Variants in ATOSA observed in about 807,000 individuals in gnomAD.
ATOSA encodes the protein atos homolog protein A.
At chr15:52,691,942 C>G in the ATOSA span, among the ~76,000 whole-genome samples, 1 of 152,108 alleles carries the variant, frequency 6.6e-6, no homozygotes, top group African/African-American at 2.4e-5. Flanking sequence ...GAAAGTTCTA[C>G]TAAACCATCA....
chr15:52,583,457 C>T, the ATOSA span, among the ~76,000 whole-genome samples: 18 of 152,242 alleles, frequency 1.2e-4, no homozygotes, highest in African/African-American at 4.3e-4. Context: ...GGCTGGAGTG[C>T]AGTGGTACAA....
the ATOSA span, among the ~76,000 whole-genome samples, chr15:52,607,977 C>T: frequency 6.6e-6 from 1 of 152,208 alleles, no homozygotes; most frequent in African/African-American, 2.4e-5. Context: ...AACTCCTGGG[C>T]TCAAGTGATT....
chr15:52,618,746 G>A, the ATOSA span, among the ~76,000 whole-genome samples: 2 of 152,014 alleles, frequency 1.3e-5, no homozygotes, highest in Non-Finnish European at 2.9e-5. Flanking sequence ...GTGCAGTGGC[G>A]TGATCATAGC....
the ATOSA span, among the ~76,000 whole-genome samples, chr15:52,603,687 G>A: frequency 6.6e-6 from 1 of 152,202 alleles, no homozygotes; most frequent in South Asian, 2.1e-4. Context: ...CAATATGAAT[G>A]AAACTGAAGG....
chr15:52,665,543 T>C, the ATOSA span, among the ~76,000 whole-genome samples: 3 of 152,140 alleles, frequency 2.0e-5, no homozygotes, highest in East Asian at 1.9e-4. Context: ...TGACCAAAAA[T>C]TGGCACTTTT....
the ATOSA span, among the ~76,000 whole-genome samples, chr15:52,703,063 A>G: frequency 6.6e-6 from 1 of 152,204 alleles, no homozygotes; most frequent in Non-Finnish European, 1.5e-5. Context: ...ACAATAGAAT[A>G]CTATTCAGCG....
the ATOSA span, among the ~76,000 whole-genome samples, chr15:52,644,502 A>C: frequency 6.6e-6 from 1 of 152,190 alleles, no homozygotes; most frequent in Non-Finnish European, 1.5e-5. Context: ...GAGAATTAAG[A>C]CCAACTACTA....
At chr15:52,633,376 AG>A in the ATOSA span, among the ~76,000 whole-genome samples, 1 of 152,240 alleles carries the variant, frequency 6.6e-6, no homozygotes, top group Non-Finnish European at 1.5e-5. Flanking sequence ...GACACTGGCC[AG>A]CAGACAGGAC....
the ATOSA span, among the ~76,000 whole-genome samples, chr15:52,664,228 A>G: frequency 6.6e-6 from 1 of 152,208 alleles, no homozygotes; most frequent in African/African-American, 2.4e-5. Flanking sequence ...ACACAGCACT[A>G]AAGACTTTAG....
At chr15:52,582,069 T>C in the ATOSA span, 7 of 1,121,104 alleles carry the variant, frequency 6.2e-6, no homozygotes, top group East Asian at 2.9e-5. Flanking sequence ...ACTCTCCTGA[T>C]TGTTAATTTG....
the ATOSA span, chr15:52,593,706 G>C: frequency 3.2e-6 from 5 of 1,556,502 alleles, no homozygotes; most frequent in Non-Finnish European, 4.3e-6. Flanking sequence ...ACAATGCCGA[G>C]AGGATCGAAA....
the ATOSA span, among the ~76,000 whole-genome samples, chr15:52,667,463 G>A: frequency 6.6e-6 from 1 of 152,204 alleles, no homozygotes; most frequent in Non-Finnish European, 1.5e-5. Flanking sequence ...TTAGTACTAT[G>A]TAAGTATTAG....
At chr15:52,677,899 G>A in the ATOSA span, 1 of 1,410,388 alleles carries the variant, frequency 7.1e-7, no homozygotes, top group South Asian at 1.2e-5. Context: ...AATCACATAT[G>A]ATACAGAAAT....
chr15:52,648,382 A>AT, the ATOSA span, among the ~76,000 whole-genome samples: 2 of 152,240 alleles, frequency 1.3e-5, no homozygotes, highest in Admixed American at 1.3e-4. Flanking sequence ...TACATGTGAT[A>AT]TTTTAACACA....
At chr15:52,597,876 G>T in the ATOSA span, among the ~76,000 whole-genome samples, 2 of 152,174 alleles carry the variant, frequency 1.3e-5, no homozygotes, top group African/African-American at 4.8e-5. Context: ...TGTAATCCCA[G>T]CACTTTGGGA....
chr15:52,589,497 T>C, the ATOSA span, among the ~76,000 whole-genome samples: 3 of 152,140 alleles, frequency 2.0e-5, no homozygotes. Context: ...CTTTAATACA[T>C]TCAATTCCAA....
At chr15:52,707,979 T>C in the ATOSA span, among the ~76,000 whole-genome samples, 1 of 152,214 alleles carries the variant, frequency 6.6e-6, no homozygotes, top group Admixed American at 6.5e-5. Flanking sequence ...ACACCATTCC[T>C]GTCATAGAAA....
At chr15:52,602,654 G>A in the ATOSA span, among the ~76,000 whole-genome samples, 2 of 152,192 alleles carry the variant, frequency 1.3e-5, no homozygotes, top group East Asian at 3.9e-4. Flanking sequence ...ACCATGTGTG[G>A]CTTAGATTTA....
chr15:52,692,525 T>C, the ATOSA span, among the ~76,000 whole-genome samples: 1 of 152,250 alleles, frequency 6.6e-6, no homozygotes, highest in East Asian at 1.9e-4. Context: ...CCCAGCTAAT[T>C]GTATTTTTTG....
Sources: gnomAD v4.1 joint callset for allele counts (sites outside exome capture counted in the v4.1 genomes callset) on GRCh38, gnomAD v4.1.1 for gene constraint, MANE v1.5 for transcripts, NCBI Gene and HGNC (gene_info 2026-07-23, HGNC 2026-07-21) for gene names.